The following AHSA1 variants were observed in gnomAD, a reference collection of about 807,000 sequenced individuals.
AHSA1 encodes the protein activator of 90 kDa heat shock protein ATPase homolog 1.
Under a neutral mutation model 46.1 loss-of-function variants are expected in AHSA1, and 14 were observed. The observed-to-expected ratio is 0.30, with a 90% CI of 0.20 to 0.47. The LOEUF (loss-of-function observed/expected upper bound fraction) is 0.47, where lower values mean the gene tolerates loss of function less well. Among genes scored for constraint, AHSA1 ranks in the 20% least tolerant of loss-of-function variants. The pLI, the probability that AHSA1 is intolerant of heterozygous loss-of-function variation, is 0.99. For missense variants in AHSA1, 333 were observed against 415.9 expected, an observed-to-expected ratio of 0.80 and a Z score of 1.73; for synonymous variants, 147 against 145.8, an observed-to-expected ratio of 1.01 and a Z score of -0.06.
intron 8 of AHSA1, chr14:77,468,737 TTTTTTTTTACTTTTTTAC>T (rs2079059743): frequency 2.0e-6 from 1 of 492,192 alleles, no homozygotes; most frequent in Non-Finnish European, 3.5e-6. Flanking sequence ...TTTTTTTTTT[TTTTTTTTTACTTTTTTAC>T]TTTTTTTGTA....
intron 4 of AHSA1, 44 bp from the exon 5 acceptor site, chr14:77,464,554 C>A: frequency 6.6e-7 from 1 of 1,520,076 alleles, no homozygotes; most frequent in Non-Finnish European, 9.1e-7. Flanking sequence ...CAGATCTCAG[C>A]TACTAAGAAG....
rs916795638 is a variant in AHSA1 at position 77,469,186 on chromosome 14, C to T, written c.954C>T (p.Gly318=). 1.2e-6 allele frequency: 2 copies of T among 1,613,926 alleles called. No homozygotes were observed. The highest frequency in any genetic ancestry group is 3.3e-5 in the Admixed American group (2 of 59,988). The change falls in exon 9 of 9, where the codon GGC becomes GGT. Residue 318 remains glycine (G), a synonymous_variant. Coordinates refer to ENST00000216479, the MANE Select transcript of AHSA1 (RefSeq NM_012111.3). ...PAPEEERTRQ[G]WQRYYFEGIK... is the part of the protein sequence containing the mutation. ...CTGAGGAAGAGCGGACGCGACAGGG[C>T]TGGCAGCGGTACTACTTTGAGGGCA...
chr14:77,468,721 C>CTTTTTTTTTTT (rs572116649), intron 8 of AHSA1: 29 of 224,420 alleles, frequency 1.3e-4, no homozygotes, highest in Admixed American at 2.3e-4. Context: ...ACCATGCCAG[C>CTTTTTTTTTTT]TTTTTTTTTT....
chr14:77,459,974 T>C (rs1400671694), intron 2 of AHSA1, 168 bp downstream of exon 2: 1 of 717,998 alleles, frequency 1.4e-6, no homozygotes, highest in African/African-American at 1.8e-5. Flanking sequence ...TCTTTGCCAT[T>C]GTGGGATGCT....
intron 6 of AHSA1, among the ~76,000 whole-genome samples, chr14:77,465,981 C>G (rs2079046461): frequency 6.6e-6 from 1 of 152,196 alleles, no homozygotes; most frequent in Non-Finnish European, 1.5e-5. Context: ...CACACGCCAT[C>G]ACGCCTAGCT....
Position 77,468,380 on chromosome 14 carries a change from AG to A in AHSA1, c.793-74del. On this transcript the variant is annotated intron_variant, in intron 7 of 8. Coordinates refer to ENST00000216479, the MANE Select transcript of AHSA1 (RefSeq NM_012111.3). ...TGCACAGATGGTAGACTCCGTATGA[AG>A]GGCAGATGACTGATCCTAGCTAGGA... 5 of 1,381,606 alleles carry A rather than the reference AG, an allele frequency of 3.6e-6. No homozygotes were observed. In the South Asian group the frequency reaches 6.1e-5, roughly 17 times the overall value. The allele number at this position is 1,381,606 out of a possible 1,614,324, so 85.6% of individuals were successfully genotyped here. A position where few individuals can be genotyped will look rare whatever the true frequency, so the allele number is the denominator to read the frequency against.
In AHSA1 at chr14:77,469,276, C is replaced by T. The variant is rs1395726458; in HGVS notation, c.*27C>T. The T allele has an allele frequency of 6.2e-7, 1 of 1,610,194 alleles. No individual in the cohort carries two copies. The highest frequency in any genetic ancestry group is 8.5e-7 in the Non-Finnish European group (1 of 1,177,606). On this transcript the variant is annotated 3_prime_UTR_variant, in exon 9 of 9. Transcript: ENST00000216479. ...GCCAGCGGCAGGGGACTCCAGCCTG[C>T]TGGACACTTCAGTCCAGCTCTCTCC...
At position 77,468,072 on chromosome 14, in the gene AHSA1, TTTC is replaced by T; in HGVS notation, c.691-10_691-8del. The stretch of plus-strand genomic sequence containing the variant: ...GCCTCTTTTTTTTTTTTTTTTTTTT[TTTC>T]CCTGCAGCTGGTGCAGGCCTTTACC... On this transcript the variant is annotated splice_region_variant and splice_polypyrimidine_tract_variant and intron_variant, in intron 6 of 8. Transcript: ENST00000216479. 5 of 1,403,314 alleles carry T rather than the reference TTTC, an allele frequency of 3.6e-6. No homozygotes were observed. Among genetic ancestry groups the T allele is most frequent in the African/African-American group, 1.5e-5 (1 of 66,420 alleles). The allele number at this position is 1,403,314 out of a possible 1,614,324, so 86.9% of individuals were successfully genotyped here.
intron 8 of AHSA1, 155 bp from the exon 9 acceptor site, chr14:77,468,922 G>T (rs930494307): frequency 2.6e-6 from 2 of 783,890 alleles, no homozygotes; most frequent in Non-Finnish European, 2.1e-6. Flanking sequence ...TAGCCAGGCT[G>T]GTCTGGAACT....
Position 77,468,051 on chromosome 14 carries a change from CTTTTTTTTTTT to C in AHSA1, c.691-19_691-9del, listed in dbSNP as rs34989956. The C allele has an allele frequency of 8.4e-4, 574 of 684,592 alleles. 4 individuals carry two copies. Among genetic ancestry groups the C allele is most frequent in the African/African-American group, 6.9e-3 (288 of 41,682 alleles). 42.4% of individuals were successfully genotyped at this position (684,592 alleles called of 1,614,324 possible). A position where few individuals can be genotyped will look rare whatever the true frequency, so the allele number is the denominator to read the frequency against. On this transcript the variant is annotated intron_variant, in intron 6 of 8. Transcript: ENST00000216479. ...ACTGAAAGCCATGTATCTTCTGCCT[CTTTTTTTTTTT>C]TTTTTTTTTTTTCCCTGCAGCTGGT...
intron 8 of AHSA1, 115 bp from the exon 9 acceptor site, chr14:77,468,962 C>T (rs1004669579): frequency 4.1e-6 from 5 of 1,231,574 alleles, no homozygotes; most frequent in Admixed American, 1.9e-5. Flanking sequence ...CCCACCTCAG[C>T]CTGCCAAAGT....
At chr14:77,465,108 C>CTTT (rs1339845854) in intron 5 of AHSA1, among the ~76,000 whole-genome samples, 1 of 152,194 alleles carries the variant, frequency 6.6e-6, no homozygotes, top group Non-Finnish European at 1.5e-5. Context: ...TGAGCAAGTA[C>CTTT]TTTATCTAGA....
At chr14:77,462,563 C>A in intron 3 of AHSA1, 79 bp from the exon 4 acceptor site, 1 of 1,296,984 alleles carries the variant, frequency 7.7e-7, no homozygotes, top group Non-Finnish European at 1.1e-6. Context: ...TCAGCAGTCA[C>A]CTGATTGCTC....
Position 77,458,142 on chromosome 14 carries a change from T to C in AHSA1, c.-48T>C. 6.7e-7 allele frequency: 1 copy of C among 1,485,634 alleles called. No homozygotes were observed. The highest frequency in any genetic ancestry group is 9.0e-7 in the Non-Finnish European group (1 of 1,116,722). The allele number at this position is 1,485,634 out of a possible 1,614,324, so 92.0% of individuals were successfully genotyped here. A position where few individuals can be genotyped will look rare whatever the true frequency, so the allele number is the denominator to read the frequency against. On this transcript the variant is annotated 5_prime_UTR_variant, in exon 1 of 9. Coordinates refer to ENST00000216479, the MANE Select transcript of AHSA1 (RefSeq NM_012111.3). Reference sequence around the variant, plus strand: ...GGCTGGCACTAAGCGGTCCTGAGGCTGTGGCTACGGCTGCTCCGGAGCTGG... The same window carrying C: ...GGCTGGCACTAAGCGGTCCTGAGGCCGTGGCTACGGCTGCTCCGGAGCTGG...
intron 2 of AHSA1, among the ~76,000 whole-genome samples, chr14:77,461,130 G>T (rs1249325047): frequency 1.3e-5 from 2 of 152,080 alleles, no homozygotes; most frequent in African/African-American, 2.4e-5. Context: ...TTGCACTCCA[G>T]CCTGGGCAAC....
In AHSA1 at chr14:77,465,564, A is replaced by C. The variant is rs1016684032; in HGVS notation, c.587A>C (p.Gln196Pro). 14 of 1,613,896 alleles carry C rather than the reference A, an allele frequency of 8.7e-6. No homozygotes were observed. The highest frequency in any genetic ancestry group is 1.3e-5 in the African/African-American group (1 of 74,938). The change falls in exon 6 of 9, where the codon CAG (glutamine) becomes CCG (proline). Residue 196 changes from glutamine to proline, a missense_variant. Gln to Pro is a moderately conservative substitution (Grantham distance 76). Transcript: ENST00000216479. Reference sequence around the variant, plus strand: ...GCTAAGCCTGCTCCTTCAAAAACCCAGGCCAGACCTGTTGGAGTCAAAATC... The same window carrying C: ...GCTAAGCCTGCTCCTTCAAAAACCCCGGCCAGACCTGTTGGAGTCAAAATC... ...RKAKPAPSKT[Q>P]ARPVGVKIPT... is the part of the protein sequence containing the mutation.
At chr14:77,458,418 G>T (rs1358954443) in intron 1 of AHSA1, 149 bp downstream of exon 1, 2 of 729,570 alleles carry the variant, frequency 2.7e-6, no homozygotes, top group Non-Finnish European at 4.3e-6. Context: ...GGGGTCCGTA[G>T]CCCCAGGCCT....
chr14:77,460,457 TAAA>T (rs2079016770), intron 2 of AHSA1, among the ~76,000 whole-genome samples: 2 of 99,090 alleles, frequency 2.0e-5, no homozygotes, highest in East Asian at 4.1e-4. Flanking sequence ...AGTCATATCA[TAAA>T]GAAGGGTGCA....
intron 4 of AHSA1, 127 bp downstream of exon 4, chr14:77,462,886 CT>C: frequency 1.3e-6 from 1 of 766,708 alleles, no homozygotes; most frequent in East Asian, 2.6e-5. Context: ...CTTATTTCAT[CT>C]TAAAGTCAGT....
Sources: allele counts gnomAD v4.1 joint callset (sites outside exome capture counted in the v4.1 genomes callset), GRCh38; gene constraint gnomAD v4.1.1; transcripts MANE v1.5; gene names NCBI Gene and HGNC (gene_info 2026-07-23, HGNC 2026-07-21).